The following CRTAC1 variants were observed in gnomAD, a reference collection of about 807,000 sequenced individuals.
CRTAC1 encodes cartilage acidic protein 1, also known as acidic secreted protein in cartilage.
CRTAC1 carries 37 observed loss-of-function variants against 67.8 expected under a neutral mutation model. The observed-to-expected ratio is 0.55, with a 90% CI of 0.42 to 0.72. The LOEUF (loss-of-function observed/expected upper bound fraction) is 0.72, where lower values mean the gene tolerates loss of function less well. Ranked by LOEUF, CRTAC1 falls within the 30% of genes least tolerant of loss-of-function variation. CRTAC1 has a pLI of 0.00. For synonymous variants in CRTAC1, 348 were observed against 371.0 expected, an observed-to-expected ratio of 0.94 and a Z score of 0.71; for missense variants, 780 against 931.6, an observed-to-expected ratio of 0.84 and a Z score of 2.12.
chr10:97,897,748 A>C (rs1400150233), intron 8 of CRTAC1, among the ~76,000 whole-genome samples: 1 of 152,238 alleles, frequency 6.6e-6, no homozygotes, highest in Non-Finnish European at 1.5e-5. Context: ...TGATGATGGC[A>C]GTGAGCTTTC....
chr10:97,892,690 T>C (rs1454736528), intron 11 of CRTAC1, among the ~76,000 whole-genome samples: 4 of 152,236 alleles, frequency 2.6e-5, no homozygotes, highest in Non-Finnish European at 5.9e-5. Context: ...GCCTGGCACA[T>C]ACTAATTGCT....
intron 14 of CRTAC1, among the ~76,000 whole-genome samples, chr10:97,877,665 C>G (rs2050163371): frequency 6.6e-6 from 1 of 152,216 alleles, no homozygotes; most frequent in Admixed American, 6.5e-5. Flanking sequence ...CAAATGGAAG[C>G]CTTATCCTGG....
chr10:97,879,865 T>TGGGGGGGGGGCCGGGGGG, intron 14 of CRTAC1: 1 of 226,632 alleles, frequency 4.4e-6, no homozygotes, highest in Non-Finnish European at 8.7e-6. Context: ...GGGGACGGGG[T>TGGGGGGGGGGCCGGGGGG]GGGGGTGGAG....
chr10:97,891,757 T>C (rs1298325973), intron 11 of CRTAC1, among the ~76,000 whole-genome samples: 1 of 152,204 alleles, frequency 6.6e-6, no homozygotes, highest in Non-Finnish European at 1.5e-5. Flanking sequence ...GCTCCATTGC[T>C]GGCTCCCCCA....
chr10:97,937,734 C>A (rs964075822), intron 2 of CRTAC1, among the ~76,000 whole-genome samples: 3 of 152,166 alleles, frequency 2.0e-5, no homozygotes, highest in African/African-American at 7.2e-5. Flanking sequence ...GGTCACACCC[C>A]AGGCAGCACA....
At chr10:97,970,917 A>G (rs1277005438) in intron 2 of CRTAC1, among the ~76,000 whole-genome samples, 3 of 152,250 alleles carry the variant, frequency 2.0e-5, no homozygotes, top group Non-Finnish European at 4.4e-5. Context: ...TTAATAAGAA[A>G]ATGATCAGAG....
At chr10:97,997,451 CAAAA>C (rs746635057) in intron 2 of CRTAC1, among the ~76,000 whole-genome samples, 2 of 48,232 alleles carry the variant, frequency 4.1e-5, no homozygotes, top group African/African-American at 7.7e-5. Flanking sequence ...GACTCTGTCT[CAAAA>C]AAAAAAAAAA....
intron 2 of CRTAC1, among the ~76,000 whole-genome samples, chr10:97,972,418 G>A (rs952341752): frequency 4.6e-5 from 7 of 152,174 alleles, no homozygotes; most frequent in Admixed American, 3.3e-4. Flanking sequence ...CAGGGAGCCC[G>A]GTCTGCCAGG....
Position 97,885,297 on chromosome 10 carries a change from C to T in CRTAC1, c.1487-946G>A, listed in dbSNP as rs1344169883. ...GAAGTATTGGCTGAGCCCAGGACTT[C>T]AAGGCCAGCCTGGGCAACATAGTGA... On this transcript the variant is annotated intron_variant, in intron 11 of 14. Transcript: ENST00000370597. Among the ~76,000 whole-genome samples the T allele has an allele frequency of 2.6e-5, 4 of 152,182 alleles. No individual in the cohort carries two copies. In the East Asian group the frequency reaches 5.8e-4, roughly 22 times the overall value.
intron 2 of CRTAC1, among the ~76,000 whole-genome samples, chr10:97,953,236 C>T (rs574292397): frequency 2.6e-5 from 4 of 152,266 alleles, no homozygotes; most frequent in East Asian, 1.9e-4. Flanking sequence ...CATCTGCAAG[C>T]GCCCAGTCCT....
At chr10:97,988,790 A>G (rs1485338402) in intron 2 of CRTAC1, among the ~76,000 whole-genome samples, 1 of 152,254 alleles carries the variant, frequency 6.6e-6, no homozygotes, top group Admixed American at 6.5e-5. Flanking sequence ...CATGTCAGAC[A>G]TAGGACCAAG....
chr10:97,873,046 C>A (rs931040020), intron 14 of CRTAC1, among the ~76,000 whole-genome samples: 2 of 152,202 alleles, frequency 1.3e-5, no homozygotes, highest in African/African-American at 4.8e-5. Context: ...GGCACTGCAG[C>A]AAGTACCTTA....
chr10:97,938,189 C>T (rs2051119608), intron 2 of CRTAC1, among the ~76,000 whole-genome samples: 1 of 152,122 alleles, frequency 6.6e-6, no homozygotes, highest in South Asian at 2.1e-4. Context: ...GCTGCATGTC[C>T]AGGGCGTGGC....
chr10:97,904,966 A>T, intron 6 of CRTAC1, 152 bp from the exon 7 acceptor site: 1 of 852,016 alleles, frequency 1.2e-6, no homozygotes, highest in South Asian at 2.5e-5. Context: ...CAGTCTCAGA[A>T]GCTCTCTATA....
At chr10:97,925,701 G>C (rs1281348366) in intron 3 of CRTAC1, among the ~76,000 whole-genome samples, 8 of 136,774 alleles carry the variant, frequency 5.8e-5, no homozygotes, top group African/African-American at 2.2e-4. Context: ...TGAGTGTGTG[G>C]GGGGATGAGT....
At chr10:97,907,591 G>C (rs1173935950) in intron 6 of CRTAC1, among the ~76,000 whole-genome samples, 2 of 152,142 alleles carry the variant, frequency 1.3e-5, no homozygotes, top group Non-Finnish European at 2.9e-5. Context: ...GGGCATCCCT[G>C]GTTCCCAGTG....
At chr10:98,022,502 T>C (rs1843144906) in intron 1 of CRTAC1, among the ~76,000 whole-genome samples, 1 of 151,602 alleles carries the variant, frequency 6.6e-6, no homozygotes. Flanking sequence ...AGATGGTGAA[T>C]TGGATTCTAG....
chr10:97,925,862 T>C (rs1477234419), intron 3 of CRTAC1, among the ~76,000 whole-genome samples: 1 of 151,998 alleles, frequency 6.6e-6, no homozygotes, highest in Non-Finnish European at 1.5e-5. Flanking sequence ...GAAGCGTGTG[T>C]AAGTGACCCC....
chr10:97,898,695 C>T (rs898441721), intron 8 of CRTAC1, among the ~76,000 whole-genome samples: 1 of 152,042 alleles, frequency 6.6e-6, no homozygotes, highest in Non-Finnish European at 1.5e-5. Flanking sequence ...ACGGCTCTGT[C>T]TGCAGGACTA....
Sources: gnomAD v4.1 joint callset for allele counts (sites outside exome capture counted in the v4.1 genomes callset) on GRCh38, gnomAD v4.1.1 for gene constraint, MANE v1.5 for transcripts, NCBI Gene and HGNC (gene_info 2026-07-23, HGNC 2026-07-21) for gene names.